ATF3: variants seen among roughly 807,000 people sequenced by gnomAD.
ATF3 encodes cyclic AMP-dependent transcription factor ATF-3.
A neutral mutation model predicts 18.4 loss-of-function variants in ATF3; 10 were observed. That is an observed-to-expected ratio of 0.54 (90% CI 0.34 to 0.92). The LOEUF is 0.92. Among genes scored for constraint, ATF3 ranks in the 40% least tolerant of loss-of-function variants. ATF3 has a pLI of 0.02. For missense variants in ATF3, 183 were observed against 222.3 expected (o/e 0.82, Z 1.12); for synonymous variants, 78 against 87.9 (o/e 0.89, Z 0.63).
At chr1:212,593,743 T>TA (rs58956572) in intron 1 of ATF3, among the ~76,000 whole-genome samples, 12 of 115,400 alleles carry the variant, frequency 1.0e-4, no homozygotes, top group Non-Finnish European at 1.7e-4. Context: ...CCTGTCTCTT[T>TA]AAAAAAAAAA....
At position 212,618,285 on chromosome 1, in the gene ATF3, A is replaced by G; in HGVS notation, c.348+51A>G. On this transcript the variant is annotated intron_variant, in intron 3 of 3. Coordinates refer to ENST00000341491, the MANE Select transcript of ATF3 (RefSeq NM_001674.4). The surrounding 1 kb of genome is among the most constrained non-coding windows in gnomAD (Gnocchi z 4.4). ...CCTCTCGCTCACGCCTGTCTTCACCAGCTTCATGTGGCTATCAGAAGAAGA... is the reference window on the plus strand; with the variant it reads ...CCTCTCGCTCACGCCTGTCTTCACCGGCTTCATGTGGCTATCAGAAGAAGA... 6.4e-7 allele frequency: 1 copy of G among 1,556,860 alleles called. No individual in the cohort carries two copies. The highest frequency in any genetic ancestry group is 2.2e-5 in the East Asian group (1 of 44,580).
intron 1 of ATF3, among the ~76,000 whole-genome samples, chr1:212,597,026 C>T (rs1342655216): frequency 6.6e-6 from 1 of 152,210 alleles, no homozygotes; most frequent in Non-Finnish European, 1.5e-5. Flanking sequence ...TGAATTTATT[C>T]CTCACAGCAC....
At position 212,618,124 on chromosome 1, in the gene ATF3, C is replaced by T; in HGVS notation, c.241-3C>T. ...TTAAATGTGTTTCTTTTGGATTTTACAGGTAGCCCCTGAAGAAGATGAAAG... is the reference window on the plus strand; with the variant it reads ...TTAAATGTGTTTCTTTTGGATTTTATAGGTAGCCCCTGAAGAAGATGAAAG... On this transcript the variant is annotated splice_polypyrimidine_tract_variant and splice_region_variant and intron_variant, in intron 2 of 3. Transcript: ENST00000341491. The surrounding 1 kb of genome is among the most constrained non-coding windows in gnomAD (Gnocchi z 4.4). The T allele has an allele frequency of 6.2e-7, 1 of 1,613,946 alleles. No individual in the cohort carries two copies. Among genetic ancestry groups the T allele is most frequent in the Non-Finnish European group, 8.5e-7 (1 of 1,179,884 alleles).
chr1:212,606,939 CG>C (rs1466038480), upstream of ATF3, among the ~76,000 whole-genome samples: 1 of 152,054 alleles, frequency 6.6e-6, no homozygotes, highest in Non-Finnish European at 1.5e-5. Context: ...GGGTGGGGCC[CG>C]GAGAGCCGTT....
chr1:212,573,509 T>C (rs1458798614), intron 1 of ATF3, among the ~76,000 whole-genome samples: 1 of 152,086 alleles, frequency 6.6e-6, no homozygotes, highest in East Asian at 1.9e-4. Flanking sequence ...CTTTTCTATG[T>C]TCATAATTTA....
rs1274865809 is a variant in ATF3 at position 212,619,235 on chromosome 1, C to T, written c.349-123C>T. 2 of 1,610,264 alleles carry T rather than the reference C, an allele frequency of 1.2e-6. No individual in the cohort carries two copies. Among genetic ancestry groups the T allele is most frequent in the East Asian group, 2.2e-5 (1 of 44,862 alleles). ...CTGCTCTCCCATCTCCCATCTTCCT[C>T]TCGCAGCTTGATGAGCCCCGGTGTG... On this transcript the variant is annotated intron_variant, in intron 3 of 3. Coordinates refer to ENST00000341491, the MANE Select transcript of ATF3 (RefSeq NM_001674.4). The surrounding 1 kb of genome is among the most constrained non-coding windows in gnomAD (Gnocchi z 4.4).
In ATF3 at chr1:212,618,979, T is replaced by G; in HGVS notation, c.349-379T>G. On this transcript the variant is annotated intron_variant, in intron 3 of 3. Coordinates refer to ENST00000341491, the MANE Select transcript of ATF3 (RefSeq NM_001674.4). The surrounding 1 kb of genome is among the most constrained non-coding windows in gnomAD (Gnocchi z 4.4). ...GCTATATACATTTTTTCTGGGGAGA[T>G]GAGCTTCTCATTGAGATCTGTGACT... 62 of 1,595,384 alleles carry G rather than the reference T, an allele frequency of 3.9e-5. No homozygotes were observed. Among genetic ancestry groups the G allele is most frequent in the Non-Finnish European group, 4.9e-5 (57 of 1,163,336 alleles).
chr1:212,609,223 C>G (rs1654773024), intron 1 of ATF3, among the ~76,000 whole-genome samples: 1 of 152,258 alleles, frequency 6.6e-6, no homozygotes, highest in Non-Finnish European at 1.5e-5. Context: ...TCGAGCGCCG[C>G]TTCTCTCCGC....
In ATF3 at chr1:212,618,751, C is replaced by T. The variant is rs980323434; in HGVS notation, c.348+517C>T. On this transcript the variant is annotated intron_variant, in intron 3 of 3. Coordinates refer to ENST00000341491, the MANE Select transcript of ATF3 (RefSeq NM_001674.4). The surrounding 1 kb of genome is among the most constrained non-coding windows in gnomAD (Gnocchi z 4.4). ...AGCTGAGCCCCTGGCTGCGTTCAGC[C>T]GGCCCGCCTGAGAGACACTAGGGGA... 1 of 506,936 alleles carries T rather than the reference C, an allele frequency of 2.0e-6. No homozygotes were observed. Among genetic ancestry groups the T allele is most frequent in the Non-Finnish European group, 3.6e-6 (1 of 279,902 alleles). The allele number at this position is 506,936 out of a possible 1,614,324, so 31.4% of individuals were successfully genotyped here.
In ATF3 at chr1:212,618,144, T is replaced by C. The variant is rs1351096809; in HGVS notation, c.258T>C (p.Asp86=). The part of the protein sequence containing the change: ...ITKAEVAPEE[D]ERKKRRRERN... Reference sequence around the variant, plus strand: ...TTTTACAGGTAGCCCCTGAAGAAGATGAAAGGAAAAAGAGGCGACGAGAAA... The same window carrying C: ...TTTTACAGGTAGCCCCTGAAGAAGACGAAAGGAAAAAGAGGCGACGAGAAA... The change falls in exon 3 of 4, where the codon GAT becomes GAC. Residue 86 remains aspartate (D), a synonymous_variant. Coordinates refer to ENST00000341491, the MANE Select transcript of ATF3 (RefSeq NM_001674.4). The surrounding 1 kb of genome is among the most constrained non-coding windows in gnomAD (Gnocchi z 4.4). 1.2e-6 allele frequency: 2 copies of C among 1,613,804 alleles called. No homozygotes were observed. Among genetic ancestry groups the C allele is most frequent in the Non-Finnish European group, 8.5e-7 (1 of 1,179,974 alleles).
intron 1 of ATF3, among the ~76,000 whole-genome samples, chr1:212,614,471 A>G (rs1655018011): frequency 6.6e-6 from 1 of 152,076 alleles, no homozygotes; most frequent in South Asian, 2.1e-4. Flanking sequence ...TGCTAAATTC[A>G]AGGATTCCCC....
intron 1 of ATF3, among the ~76,000 whole-genome samples, chr1:212,585,099 G>A (rs570058477): frequency 5.3e-4 from 81 of 152,300 alleles, no homozygotes; most frequent in African/African-American, 1.9e-3. Context: ...GGGTGGGAGG[G>A]CCTCTAAGGG....
intron 1 of ATF3, among the ~76,000 whole-genome samples, chr1:212,584,721 A>C (rs1355207432): frequency 1.3e-5 from 2 of 152,222 alleles, no homozygotes; most frequent in Non-Finnish European, 2.9e-5. Flanking sequence ...AGTCAAGCTG[A>C]CACATAAAAT....
At chr1:212,604,228 A>G (rs891011333), upstream of ATF3, among the ~76,000 whole-genome samples, 2 of 152,190 alleles carry the variant, frequency 1.3e-5, no homozygotes, top group Non-Finnish European at 2.9e-5. Context: ...TATGACTTGT[A>G]TACTCACTCA....
chr1:212,610,246 G>C (rs1029493617), intron 1 of ATF3, among the ~76,000 whole-genome samples: 3 of 152,192 alleles, frequency 2.0e-5, no homozygotes, highest in Admixed American at 6.5e-5. Flanking sequence ...AAATAAAATA[G>C]TTACTAAATC....
intron 1 of ATF3, among the ~76,000 whole-genome samples, chr1:212,580,529 C>T (rs1477020211): frequency 6.6e-6 from 1 of 152,084 alleles, no homozygotes; most frequent in Admixed American, 6.6e-5. Context: ...TCTCGAACTC[C>T]TGAGTTCAAG....
intron 1 of ATF3, among the ~76,000 whole-genome samples, chr1:212,570,269 A>C (rs1467257993): frequency 6.6e-6 from 1 of 152,146 alleles, no homozygotes. Context: ...TTTCTGGAGA[A>C]TTACTTTTTC....
At chr1:212,590,375 A>T (rs187280039) in intron 1 of ATF3, among the ~76,000 whole-genome samples, 1 of 152,002 alleles carries the variant, frequency 6.6e-6, no homozygotes, top group East Asian at 1.9e-4. Context: ...ATTTCCTTTT[A>T]GGTATATTGC....
At chr1:212,613,806 C>T (rs1571790395) in intron 1 of ATF3, 1 of 152,322 alleles carries the variant, frequency 6.6e-6, no homozygotes, top group East Asian at 1.9e-4. Flanking sequence ...CAGGCCAAGA[C>T]TTATGGGGGA....
Sources: allele counts gnomAD v4.1 joint callset (sites outside exome capture counted in the v4.1 genomes callset), GRCh38; gene constraint gnomAD v4.1.1; non-coding constraint Gnocchi (gnomAD v3.1); transcripts MANE v1.5; gene names NCBI Gene and HGNC (gene_info 2026-07-23, HGNC 2026-07-21).